Variants in GALNT13 observed in about 807,000 individuals in gnomAD.
The protein encoded by GALNT13 is polypeptide N-acetylgalactosaminyltransferase 13.
A neutral mutation model predicts 64.2 loss-of-function variants in GALNT13; 28 were observed. That is an observed-to-expected ratio of 0.44 (90% CI 0.32 to 0.60). The LOEUF (loss-of-function observed/expected upper bound fraction) is 0.60, where lower values mean the gene tolerates loss of function less well. Ranked by LOEUF, GALNT13 falls within the 20% of genes least tolerant of loss-of-function variation. The pLI is 0.05. For missense variants in GALNT13, 577 were observed against 669.8 expected, an observed-to-expected ratio of 0.86 and a Z score of 1.53; for synonymous variants, 214 against 224.6, an observed-to-expected ratio of 0.95 and a Z score of 0.42.
chr2:153,585,054 C>G, the GALNT13 span, among the ~76,000 whole-genome samples: 7 of 152,118 alleles, frequency 4.6e-5, no homozygotes, highest in African/African-American at 1.7e-4. Context: ...CAATAATTCT[C>G]AAGCAATAGA....
the GALNT13 span, among the ~76,000 whole-genome samples, chr2:153,576,227 G>A: frequency 6.6e-6 from 1 of 152,080 alleles, no homozygotes. Flanking sequence ...GGGATTAGGG[G>A]AAGAGTGATG....
At chr2:153,456,223 G>A in the GALNT13 span, among the ~76,000 whole-genome samples, 1 of 152,196 alleles carries the variant, frequency 6.6e-6, no homozygotes, top group African/African-American at 2.4e-5. Context: ...TGGCTTGAGG[G>A]TGGAGTTTCT....
the GALNT13 span, among the ~76,000 whole-genome samples, chr2:153,458,396 T>A: frequency 7.2e-5 from 11 of 152,310 alleles, no homozygotes; most frequent in South Asian, 2.1e-3. Context: ...ACAATCCAAG[T>A]TCCCCCTGCC....
the GALNT13 span, among the ~76,000 whole-genome samples, chr2:153,413,528 C>T: frequency 6.6e-6 from 1 of 151,968 alleles, no homozygotes; most frequent in Non-Finnish European, 1.5e-5. Flanking sequence ...TAATTTCATC[C>T]ATTGATTTCC....
chr2:154,214,110 A>G (rs1687919655), intron 4 of GALNT13, among the ~76,000 whole-genome samples: 1 of 152,224 alleles, frequency 6.6e-6, no homozygotes, highest in Non-Finnish European at 1.5e-5. Context: ...ATGATAATTG[A>G]TAAATTTCAC....
chr2:153,499,446 G>A, the GALNT13 span, among the ~76,000 whole-genome samples: 1 of 152,326 alleles, frequency 6.6e-6, no homozygotes, highest in South Asian at 2.1e-4. Context: ...GGAACTGACA[G>A]CCTGCTCCCC....
At position 153,944,616 on chromosome 2, in the gene GALNT13, G is replaced by T; in HGVS notation, c.119G>T (p.Arg40Ile). The change falls in exon 3 of 13, where the codon AGA becomes ATA. Residue 40 changes from arginine to isoleucine, a missense_variant. Physicochemically the swap from Arg to Ile is moderately conservative, Grantham distance 97. This residue lies in a region of GALNT13 where 341 missense variants were observed against 379.3 expected (regional missense o/e 0.90). Coordinates refer to ENST00000392825, the MANE Select transcript of GALNT13 (RefSeq NM_052917.4). ...ECNKCDDKKERSLLPALRAVI... is the reference protein window; with the variant it reads ...ECNKCDDKKEISLLPALRAVI... ...AACAAATGTGATGACAAGAAGGAGA[G>T]ATCTCTGCTGCCTGCATTGAGGGGT... 1 of 1,613,290 alleles carries T rather than the reference G, an allele frequency of 6.2e-7. No homozygotes were observed. The highest frequency in any genetic ancestry group is 1.3e-5 in the African/African-American group (1 of 75,032).
chr2:153,497,760 A>G, the GALNT13 span, among the ~76,000 whole-genome samples: 1 of 150,848 alleles, frequency 6.6e-6, no homozygotes. Context: ...CTGGTCTCGA[A>G]CTCCTGACCT....
chr2:153,612,971 G>A, the GALNT13 span, among the ~76,000 whole-genome samples: 1 of 152,060 alleles, frequency 6.6e-6, no homozygotes, highest in African/African-American at 2.4e-5. Context: ...AAAAATTGCA[G>A]AATGAACAAA....
At chr2:153,207,450 A>G in the GALNT13 span, among the ~76,000 whole-genome samples, 1 of 152,110 alleles carries the variant, frequency 6.6e-6, no homozygotes, top group Non-Finnish European at 1.5e-5. Context: ...TGTGATATCA[A>G]CAACTATGGA....
the GALNT13 span, among the ~76,000 whole-genome samples, chr2:153,331,732 C>T: frequency 6.6e-6 from 1 of 152,106 alleles, no homozygotes; most frequent in Admixed American, 6.5e-5. Flanking sequence ...ATGTTAATCT[C>T]TTTTGGCAAC....
chr2:153,147,149 C>T, the GALNT13 span, among the ~76,000 whole-genome samples: 2 of 138,156 alleles, frequency 1.4e-5, no homozygotes, highest in African/African-American at 5.4e-5. Flanking sequence ...CCCATTTGGG[C>T]AAAAAAGAAA....
chr2:153,721,204 C>A, the GALNT13 span, among the ~76,000 whole-genome samples: 4 of 148,634 alleles, frequency 2.7e-5, no homozygotes, highest in African/African-American at 1.0e-4. Context: ...TCATATCCAG[C>A]CAAACTAAGC....
the GALNT13 span, among the ~76,000 whole-genome samples, chr2:153,591,420 A>G: frequency 2.0e-5 from 3 of 152,046 alleles, no homozygotes; most frequent in Non-Finnish European, 1.5e-5. Flanking sequence ...TCAAAATACC[A>G]TAATTTCCCT....
At chr2:153,889,457 A>G (rs1158616208) in intron 1 of GALNT13, among the ~76,000 whole-genome samples, 1 of 151,978 alleles carries the variant, frequency 6.6e-6, no homozygotes, top group Admixed American at 6.6e-5. Flanking sequence ...AAACTACTAC[A>G]TGTAGTGGGA....
the GALNT13 span, among the ~76,000 whole-genome samples, chr2:153,273,361 T>C: frequency 6.6e-6 from 1 of 152,206 alleles, no homozygotes; most frequent in Non-Finnish European, 1.5e-5. Flanking sequence ...ATCTGCAGGC[T>C]AGTAGGCAAA....
chr2:154,268,685 A>G (rs1446634704), intron 8 of GALNT13, among the ~76,000 whole-genome samples: 1 of 152,132 alleles, frequency 6.6e-6, no homozygotes, highest in African/African-American at 2.4e-5. Flanking sequence ...TGAAGGAAAA[A>G]TGTAGTTCAA....
intron 1 of GALNT13, among the ~76,000 whole-genome samples, chr2:153,890,111 G>A (rs1687456847): frequency 6.6e-6 from 1 of 151,808 alleles, no homozygotes; most frequent in Non-Finnish European, 1.5e-5. Flanking sequence ...ATGTTTTCAT[G>A]AGGCTATTCT....
At chr2:153,772,941 C>T in the GALNT13 span, among the ~76,000 whole-genome samples, 1 of 152,218 alleles carries the variant, frequency 6.6e-6, no homozygotes, top group African/African-American at 2.4e-5. Flanking sequence ...GCTGGACTCC[C>T]TCTGCAGTGA....
Sources: allele counts gnomAD v4.1 joint callset (sites outside exome capture counted in the v4.1 genomes callset), GRCh38; gene constraint gnomAD v4.1.1; regional missense constraint gnomAD v4.1.1; transcripts MANE v1.5; gene names NCBI Gene and HGNC (gene_info 2026-07-23, HGNC 2026-07-21).